CNTN5: variants seen among roughly 807,000 people sequenced by gnomAD.
The protein encoded by CNTN5 is contactin-5.
Under a neutral mutation model 129.1 loss-of-function variants are expected in CNTN5, and 77 were observed. The ratio of observed to expected loss-of-function variants is 0.60; its 90% CI spans 0.50 to 0.72. The LOEUF (loss-of-function observed/expected upper bound fraction) is 0.72, where lower values mean the gene tolerates loss of function less well. Among genes scored for constraint, CNTN5 ranks in the 30% least tolerant of loss-of-function variants. The pLI is 0.00. For synonymous variants in CNTN5, 509 were observed against 465.6 expected (o/e 1.09, Z -1.20); for missense variants, 1,478 against 1,328.8 (o/e 1.11, Z -1.75).
intron 2 of CNTN5, among the ~76,000 whole-genome samples, chr11:99,446,659 A>G (rs1172297961): frequency 6.6e-6 from 1 of 152,218 alleles, no homozygotes; most frequent in East Asian, 1.9e-4. Flanking sequence ...TATAGAAGCA[A>G]GGTTTTATCC....
At chr11:99,124,636 T>C (rs186243941) in intron 1 of CNTN5, among the ~76,000 whole-genome samples, 4 of 151,474 alleles carry the variant, frequency 2.6e-5, no homozygotes, top group East Asian at 1.9e-4. Flanking sequence ...CTGAAGGAAA[T>C]TGAGATGAGA....
At chr11:100,309,493 C>G in intron 21 of CNTN5, 2 of 967,984 alleles carry the variant, frequency 2.1e-6, no homozygotes, top group African/African-American at 3.5e-5. Context: ...TATACAATAT[C>G]ATGGACTTAT....
chr11:100,341,972 A>C (rs1376537752), intron 23 of CNTN5, among the ~76,000 whole-genome samples: 1 of 151,870 alleles, frequency 6.6e-6, no homozygotes, highest in Non-Finnish European at 1.5e-5. Flanking sequence ...TTCAACTGAA[A>C]GCTATCATTA....
intron 7 of CNTN5, among the ~76,000 whole-genome samples, chr11:99,947,169 T>C (rs930478192): frequency 6.6e-6 from 1 of 151,852 alleles, no homozygotes; most frequent in Non-Finnish European, 1.5e-5. Context: ...TAATAGTTTT[T>C]GTACTATTTA....
In CNTN5 at chr11:99,505,028, C is replaced by T. The variant is rs141492960; in HGVS notation, c.-70-51117C>T. Among the ~76,000 whole-genome samples, 410 of 152,132 alleles carry T rather than the reference C, an allele frequency of 2.7e-3. 1 individual carries two copies. Among genetic ancestry groups the T allele is most frequent in the Non-Finnish European group, 3.8e-3 (260 of 67,988 alleles). On this transcript the variant is annotated intron_variant, in intron 2 of 24. Coordinates refer to ENST00000524871, the MANE Select transcript of CNTN5 (RefSeq NM_014361.4). ...AATTCTTAAGTCAGATCCTTTTTGT[C>T]CCACTTCTGACTTCTGGTTGACTTT...
At chr11:100,041,174 C>A (rs1182730189) in intron 9 of CNTN5, among the ~76,000 whole-genome samples, 2 of 152,166 alleles carry the variant, frequency 1.3e-5, no homozygotes. Flanking sequence ...CAGGAGTTAG[C>A]ATAGACTACT....
chr11:99,352,851 C>A (rs1938391521), intron 2 of CNTN5, among the ~76,000 whole-genome samples: 1 of 152,204 alleles, frequency 6.6e-6, no homozygotes. Context: ...AACATCACTT[C>A]TAGTCTTAGT....
At chr11:99,920,800 CA>C (rs1949918654) in intron 7 of CNTN5, among the ~76,000 whole-genome samples, 1 of 152,080 alleles carries the variant, frequency 6.6e-6, no homozygotes, top group Non-Finnish European at 1.5e-5. Flanking sequence ...GATCACTTAC[CA>C]AAACACTTGC....
chr11:99,157,756 A>G (rs1860404832), intron 1 of CNTN5, among the ~76,000 whole-genome samples: 1 of 152,172 alleles, frequency 6.6e-6, no homozygotes, highest in Non-Finnish European at 1.5e-5. Context: ...TTGACAGACT[A>G]CTACTCACTA....
intron 2 of CNTN5, among the ~76,000 whole-genome samples, chr11:99,367,022 T>C (rs1939493674): frequency 6.6e-6 from 1 of 152,172 alleles, no homozygotes; most frequent in Non-Finnish European, 1.5e-5. Flanking sequence ...TTTGATAGAA[T>C]AGAATCAAAG....
intron 3 of CNTN5, among the ~76,000 whole-genome samples, chr11:99,660,866 G>T (rs1055062533): frequency 6.6e-6 from 1 of 151,662 alleles, no homozygotes; most frequent in Non-Finnish European, 1.5e-5. Context: ...TAGTTCCTTG[G>T]TAAAGTTTTC....
intron 2 of CNTN5, among the ~76,000 whole-genome samples, chr11:99,504,940 A>C (rs1261043566): frequency 6.6e-6 from 1 of 152,178 alleles, no homozygotes; most frequent in African/African-American, 2.4e-5. Context: ...GAGAATGTAA[A>C]AAGCAGGGGA....
chr11:99,927,833 C>A (rs1950098131), intron 7 of CNTN5, among the ~76,000 whole-genome samples: 1 of 152,156 alleles, frequency 6.6e-6, no homozygotes, highest in South Asian at 2.1e-4. Context: ...CACAGTCATG[C>A]CCTTCTAACA....
chr11:99,636,369 G>T (rs1013787288), intron 3 of CNTN5, among the ~76,000 whole-genome samples: 1 of 74,214 alleles, frequency 1.3e-5, no homozygotes, highest in Non-Finnish European at 2.7e-5. Flanking sequence ...AATCAAATGA[G>T]TTCTTTTTTT....
intron 2 of CNTN5, among the ~76,000 whole-genome samples, chr11:99,381,532 A>G (rs1940560674): frequency 6.6e-6 from 1 of 152,214 alleles, no homozygotes; most frequent in Non-Finnish European, 1.5e-5. Flanking sequence ...CTCCATCTTA[A>G]GAGCAATGGA....
At chr11:99,099,802 A>G (rs1390780409) in intron 1 of CNTN5, among the ~76,000 whole-genome samples, 2 of 152,152 alleles carry the variant, frequency 1.3e-5, no homozygotes, top group Non-Finnish European at 2.9e-5. Context: ...ATCACTTCGA[A>G]AAAACTGACA....
chr11:100,020,574 G>C (rs1941088399), intron 9 of CNTN5, among the ~76,000 whole-genome samples: 1 of 151,992 alleles, frequency 6.6e-6, no homozygotes, highest in African/African-American at 2.4e-5. Flanking sequence ...AATGCACCCA[G>C]TTTGTTCTTT....
chr11:100,112,610 A>T (rs1330117489), intron 13 of CNTN5, among the ~76,000 whole-genome samples: 2 of 152,112 alleles, frequency 1.3e-5, no homozygotes, highest in Non-Finnish European at 2.9e-5. Flanking sequence ...GGCATTATGA[A>T]ACATAGGCAG....
intron 2 of CNTN5, among the ~76,000 whole-genome samples, chr11:99,403,964 C>T (rs545148550): frequency 6.6e-6 from 1 of 152,144 alleles, no homozygotes; most frequent in South Asian, 2.1e-4. Flanking sequence ...TTTAAGTCTC[C>T]AACTATCATT....
Sources: gnomAD v4.1 joint callset for allele counts (sites outside exome capture counted in the v4.1 genomes callset) on GRCh38, gnomAD v4.1.1 for gene constraint, MANE v1.5 for transcripts, NCBI Gene and HGNC (gene_info 2026-07-23, HGNC 2026-07-21) for gene names.